PACRG: variants seen among roughly 807,000 people sequenced by gnomAD.
PACRG encodes parkin coregulated gene protein.
In PACRG, 29 loss-of-function variants were observed where a neutral mutation model predicts 29.7. That is an observed-to-expected ratio of 0.98 (90% CI 0.73 to 1.33). The LOEUF (loss-of-function observed/expected upper bound fraction) is 1.33. Among genes scored for constraint, PACRG ranks in the 40% most tolerant of loss-of-function variants. PACRG has a pLI of 0.00. For missense variants in PACRG, 279 were observed against 316.2 expected, an observed-to-expected ratio of 0.88 and a Z score of 0.89; for synonymous variants, 116 against 118.7, an observed-to-expected ratio of 0.98 and a Z score of 0.15.
In PACRG at chr6:163,196,924, CAGATAGATAGATAGAT is replaced by C. The variant is rs10559182; in HGVS notation, c.613+107548_613+107563del. ...AGACAGACTAGACAGACAGACTAGA[CAGATAGATAGATAGAT>C]AGATAGATAGATAGATAGATAGATA... is the stretch of plus-strand genomic sequence containing the variant. On this transcript the variant is annotated intron_variant, in intron 4 of 4. Coordinates refer to ENST00000366888, the MANE Select transcript of PACRG (RefSeq NM_001080379.2). 9.2e-3 allele frequency among the ~76,000 whole-genome samples: 1,328 copies of C among 145,076 alleles called. 9 individuals are homozygous for C. Among genetic ancestry groups the C allele is most frequent in the African/African-American group, 0.022 (793 of 36,736 alleles).
intron 4 of PACRG, among the ~76,000 whole-genome samples, chr6:163,197,453 T>TTCTTTTCTTTTC: frequency 3.5e-5 from 5 of 141,820 alleles, no homozygotes; most frequent in African/African-American, 1.1e-4. Context: ...TTTTTTTTTT[T>TTCTTTTCTTTTC]TTTTTTGTGA....
intron 1 of PACRG, among the ~76,000 whole-genome samples, chr6:162,761,666 C>T (rs1283441256): frequency 3.9e-5 from 6 of 151,998 alleles, no homozygotes; most frequent in South Asian, 2.1e-4. Flanking sequence ...AGGCTGGGCA[C>T]GGTGGCTCAC....
intron 4 of PACRG, among the ~76,000 whole-genome samples, chr6:163,284,230 C>T (rs2128184745): frequency 6.6e-6 from 1 of 152,362 alleles, no homozygotes; most frequent in Non-Finnish European, 1.5e-5. Context: ...TATCTTGTCC[C>T]TCTTGCCATC....
intron 1 of PACRG, among the ~76,000 whole-genome samples, chr6:162,755,462 G>C (rs1460210931): frequency 6.6e-6 from 1 of 151,658 alleles, no homozygotes; most frequent in African/African-American, 2.4e-5. Context: ...TTGAGACAGA[G>C]TCTTGCTCTG....
chr6:163,017,487 G>A (rs912967857), intron 2 of PACRG, among the ~76,000 whole-genome samples: 1 of 152,062 alleles, frequency 6.6e-6, no homozygotes, highest in Non-Finnish European at 1.5e-5. Context: ...GTTATTAACA[G>A]GAGCTTAAAA....
chr6:163,158,317 G>A (rs1303232278), intron 4 of PACRG, among the ~76,000 whole-genome samples: 1 of 152,204 alleles, frequency 6.6e-6, no homozygotes, highest in Non-Finnish European at 1.5e-5. Flanking sequence ...ATGAGGAGGA[G>A]GGACTGATGG....
At chr6:162,734,847 C>A (rs903892391) in intron 1 of PACRG, among the ~76,000 whole-genome samples, 2 of 152,186 alleles carry the variant, frequency 1.3e-5, no homozygotes, top group Non-Finnish European at 2.9e-5. Flanking sequence ...CACCCAAATC[C>A]AGAAACATTG....
intron 3 of PACRG, among the ~76,000 whole-genome samples, chr6:163,083,427 C>G: frequency 6.6e-6 from 1 of 152,172 alleles, no homozygotes; most frequent in South Asian, 2.1e-4. Context: ...CAATGTACAT[C>G]TTACATATAT....
chr6:162,808,519 A>G (rs1033485493), intron 1 of PACRG, among the ~76,000 whole-genome samples: 4 of 152,140 alleles, frequency 2.6e-5, no homozygotes, highest in Middle Eastern at 3.2e-3. Context: ...AGAGCCTTAC[A>G]TTCCTTCCTT....
chr6:163,160,510 ACTTT>A (rs1301145509), intron 4 of PACRG, among the ~76,000 whole-genome samples: 2 of 152,214 alleles, frequency 1.3e-5, no homozygotes, highest in African/African-American at 4.8e-5. Flanking sequence ...GTGAACAATT[ACTTT>A]CTTTCTTTTC....
At chr6:163,024,568 G>A (rs1806943669) in intron 2 of PACRG, among the ~76,000 whole-genome samples, 1 of 152,020 alleles carries the variant, frequency 6.6e-6, no homozygotes, top group African/African-American at 2.4e-5. Context: ...GCTCTTTCTT[G>A]GTTCCATATG....
intron 2 of PACRG, among the ~76,000 whole-genome samples, chr6:162,844,820 T>C (rs1342323539): frequency 6.6e-6 from 1 of 152,258 alleles, no homozygotes; most frequent in Non-Finnish European, 1.5e-5. Context: ...TTTTCTCCAG[T>C]ATTATAGTTA....
At chr6:163,101,253 A>G in intron 4 of PACRG, 1 of 981,524 alleles carries the variant, frequency 1.0e-6, no homozygotes, top group Non-Finnish European at 1.2e-6. Flanking sequence ...TGGAATTTAA[A>G]AAACAAGATG....
At chr6:163,241,824 G>A (rs187303571) in intron 4 of PACRG, among the ~76,000 whole-genome samples, 48 of 152,168 alleles carry the variant, frequency 3.2e-4, no homozygotes, top group African/African-American at 1.1e-3. Context: ...AAACCCAAAG[G>A]GGGGGCACGG....
intron 2 of PACRG, among the ~76,000 whole-genome samples, chr6:162,875,426 C>A (rs534149534): frequency 6.6e-6 from 1 of 152,300 alleles, no homozygotes; most frequent in African/African-American, 2.4e-5. Context: ...CACAGTCATG[C>A]ACACACATTC....
At chr6:163,201,647 TG>T (rs1273556736) in intron 4 of PACRG, among the ~76,000 whole-genome samples, 1 of 152,196 alleles carries the variant, frequency 6.6e-6, no homozygotes, top group Non-Finnish European at 1.5e-5. Context: ...GAACAAGTCA[TG>T]GGCCCCCACC....
At chr6:162,829,336 G>T (rs1350067759) in intron 2 of PACRG, among the ~76,000 whole-genome samples, 1 of 152,200 alleles carries the variant, frequency 6.6e-6, no homozygotes, top group Non-Finnish European at 1.5e-5. Context: ...ATATATAAAA[G>T]TTTCTGCTAT....
At chr6:163,213,474 G>C (rs150411229) in intron 4 of PACRG, among the ~76,000 whole-genome samples, 1 of 152,166 alleles carries the variant, frequency 6.6e-6, no homozygotes, top group Non-Finnish European at 1.5e-5. Context: ...GTAATATACC[G>C]GTGTTTGTTG....
chr6:163,259,434 C>T (rs560718325), intron 4 of PACRG, among the ~76,000 whole-genome samples: 2 of 152,300 alleles, frequency 1.3e-5, no homozygotes, highest in East Asian at 3.9e-4. Context: ...GTGTCCCTCT[C>T]ACTTGTGTCA....
Sources: gnomAD v4.1 joint callset for allele counts (sites outside exome capture counted in the v4.1 genomes callset) on GRCh38, gnomAD v4.1.1 for gene constraint, MANE v1.5 for transcripts, NCBI Gene and HGNC (gene_info 2026-07-23, HGNC 2026-07-21) for gene names.